Variants in SLC34A2 observed in about 807,000 individuals in gnomAD.
The protein encoded by SLC34A2 is sodium-dependent phosphate transport protein 2B.
In SLC34A2, 41 loss-of-function variants were observed where a neutral mutation model predicts 50.8. That is an observed-to-expected ratio of 0.81 (90% CI 0.63 to 1.05). SLC34A2 has a LOEUF of 1.05. SLC34A2 is among the 50% of genes least tolerant of loss of function. The probability of loss-of-function intolerance (pLI) is 0.00; values close to 1 mark genes in which losing one functional copy is unlikely to be tolerated. For missense variants in SLC34A2, 879 were observed against 876.7 expected (o/e 1.00, Z -0.03); for synonymous variants, 401 against 364.2 (o/e 1.10, Z -1.15).
chr4:25,676,525 C>CGCTGCT lies in SLC34A2; in HGVS notation c.1861_1866dup (p.Cys621_Cys622dup), dbSNP rs757866832. On this transcript the variant is annotated inframe_insertion, in exon 13 of 13. Coordinates refer to ENST00000382051, the MANE Select transcript of SLC34A2 (RefSeq NM_006424.3). ...CAAGTTCACCGGCTGCTTCCAGATG[C>CGCTGCT]GCTGCTGCTGCTGCTGCCGCGTGTG... 9.9e-6 allele frequency: 16 copies of CGCTGCT among 1,613,560 alleles called. No homozygotes were observed. Among genetic ancestry groups the CGCTGCT allele is most frequent in the South Asian group, 9.9e-5 (9 of 91,084 alleles).
At chr4:25,662,415 G>A (rs961085809) in intron 1 of SLC34A2, 83 bp from the exon 2 acceptor site, 3 of 1,281,452 alleles carry the variant, frequency 2.3e-6, no homozygotes, top group African/African-American at 2.9e-5. Flanking sequence ...TTGATGCTTT[G>A]CAACCAATGG....
Position 25,676,474 on chromosome 4 carries a change from C to A in SLC34A2, c.1798C>A (p.Leu600Met). The change falls in exon 13 of 13, where the codon CTG becomes ATG. Residue 600 changes from leucine to methionine, a missense_variant. Transcript: ENST00000382051. ...CTTCCTGCCGCTGTGGATGCGCTCGCTGAAGCCCTGGGATGCCGTCGTCTC... is the reference window on the plus strand; with the variant it reads ...CTTCCTGCCGCTGTGGATGCGCTCGATGAAGCCCTGGGATGCCGTCGTCTC... Reference protein sequence around the residue: ...WNFLPLWMRSLKPWDAVVSKF... With the variant: ...WNFLPLWMRSMKPWDAVVSKF... 6.2e-7 allele frequency: 1 copy of A among 1,614,218 alleles called. No individual in the cohort carries two copies. The highest frequency in any genetic ancestry group is 2.2e-5 in the East Asian group (1 of 44,872).
At chr4:25,662,126 C>T (rs1336375288) in intron 1 of SLC34A2, among the ~76,000 whole-genome samples, 1 of 152,186 alleles carries the variant, frequency 6.6e-6, no homozygotes, top group Non-Finnish European at 1.5e-5. Context: ...CCTGTCTTGG[C>T]CTCCCAAAGT....
In SLC34A2 at chr4:25,662,841, A is replaced by G. The variant is rs556370844; in HGVS notation, c.249A>G (p.Ser83=). The G allele has an allele frequency of 6.2e-7, 1 of 1,614,122 alleles. No individual in the cohort carries two copies. The highest frequency in any genetic ancestry group is 1.7e-5 in the Admixed American group (1 of 60,026). The change falls in exon 3 of 13, where the codon TCA becomes TCG. Residue 83 remains serine, a splice_region_variant and synonymous_variant. Coordinates refer to ENST00000382051, the MANE Select transcript of SLC34A2 (RefSeq NM_006424.3). The stretch of plus-strand genomic sequence containing the variant: ...TTCAGGACTCGGGGATCAAGTGGTC[A>G]GGTAAAAGTGAGGCCAGCTGAGACA... The part of the protein sequence containing the change: ...PTLQDSGIKW[S]ERDTKGKILC...
At chr4:25,664,704 A>G (rs28433601) in intron 4 of SLC34A2, among the ~76,000 whole-genome samples, 2,790 of 152,198 alleles carry the variant, frequency 0.018, 77 homozygotes, top group African/African-American at 0.064. Flanking sequence ...CCTTTCAAAT[A>G]TGGGCCCTTG....
chr4:25,658,744 C>T (rs1322835960), intron 1 of SLC34A2, among the ~76,000 whole-genome samples: 2 of 152,212 alleles, frequency 1.3e-5, no homozygotes, highest in Admixed American at 1.3e-4. Context: ...CCTTCCTCTG[C>T]TGCTTCTGGC....
At position 25,664,225 on chromosome 4, in the gene SLC34A2, C is replaced by A; in HGVS notation, c.274C>A (p.Leu92Ile). 4 of 1,566,158 alleles carry A rather than the reference C, an allele frequency of 2.6e-6. No individual in the cohort carries two copies. Among genetic ancestry groups the A allele is most frequent in the Non-Finnish European group, 3.5e-6 (4 of 1,146,122 alleles). The change falls in exon 4 of 13, where the codon CTC (leucine) becomes ATC (isoleucine). Residue 92 changes from leucine (L) to isoleucine (I), a missense_variant. Physicochemically the swap from Leu to Ile is conservative, Grantham distance 5 (BLOSUM62 2). Coordinates refer to ENST00000382051, the MANE Select transcript of SLC34A2 (RefSeq NM_006424.3). ...WSERDTKGKI[L>I]CFFQGIGRLI... is the part of the protein sequence containing the mutation. Reference sequence around the variant, plus strand: ...AGAGAGAGACACCAAAGGGAAGATTCTCTGTTTCTTCCAAGGGATTGGGAG... The same window carrying A: ...AGAGAGAGACACCAAAGGGAAGATTATCTGTTTCTTCCAAGGGATTGGGAG...
chr4:25,664,441 A>G lies in SLC34A2; in HGVS notation c.379+111A>G, dbSNP rs1714382035. ...CAGCTGCAGCCTCCTGGAGTGTTTT[A>G]GGACTGGAACCGACCTCAGATCATT... On this transcript the variant is annotated intron_variant, in intron 4 of 12. Coordinates refer to ENST00000382051, the MANE Select transcript of SLC34A2 (RefSeq NM_006424.3). The G allele has an allele frequency of 8.3e-6, 10 of 1,209,400 alleles. No individual in the cohort carries two copies. The South Asian group carries it at 9.9e-5, about 12-fold the overall frequency. The allele number at this position is 1,209,400 out of a possible 1,614,324, so 74.9% of individuals were successfully genotyped here.
At position 25,665,210 on chromosome 4, in the gene SLC34A2, G is replaced by GGGCTGGAGTGCATT. The variant is rs1714431279; in HGVS notation, c.379+884_379+897dup. The GGGCTGGAGTGCATT allele has an allele frequency of 4.1e-5, 7 of 171,450 alleles. No individual in the cohort carries two copies. In the South Asian group the frequency reaches 1.5e-3, roughly 37 times the overall value. The allele number at this position is 171,450 out of a possible 1,614,324, so 10.6% of individuals were successfully genotyped here. A position where few individuals can be genotyped will look rare whatever the true frequency, so the allele number is the denominator to read the frequency against. ...AGACAGAGTTTCACTCTTGTTGCCC[G>GGGCTGGAGTGCATT]GGCTGGAGTGCATTGGCGTGATCTC... On this transcript the variant is annotated intron_variant, in intron 4 of 12. Coordinates refer to ENST00000382051, the MANE Select transcript of SLC34A2 (RefSeq NM_006424.3).
rs765114627 is a variant in SLC34A2 at position 25,676,510 on chromosome 4, G to T, written c.1834G>T (p.Gly612Cys). Residue 612 changes from glycine (G) to cysteine (C), a missense_variant, in exon 13 of 13, where the codon GGC becomes TGC. Transcript: ENST00000382051. ...PWDAVVSKFT[G>C]CFQMRCCCCC... Reference sequence around the variant, plus strand: ...GGATGCCGTCGTCTCCAAGTTCACCGGCTGCTTCCAGATGCGCTGCTGCTG... The same window carrying T: ...GGATGCCGTCGTCTCCAAGTTCACCTGCTGCTTCCAGATGCGCTGCTGCTG... 10 of 1,614,100 alleles carry T rather than the reference G, an allele frequency of 6.2e-6. No individual in the cohort carries two copies. Among genetic ancestry groups the T allele is most frequent in the Non-Finnish European group, 7.6e-6 (9 of 1,179,988 alleles).
At chr4:25,657,596 T>C (rs906220774) in intron 1 of SLC34A2, among the ~76,000 whole-genome samples, 3 of 152,212 alleles carry the variant, frequency 2.0e-5, no homozygotes, top group Admixed American at 2.0e-4. Flanking sequence ...TACAAATTGA[T>C]AGTGCATGGT....
intron 4 of SLC34A2, 149 bp from the exon 5 acceptor site, chr4:25,665,979 A>G (rs1714474731): frequency 1.1e-6 from 1 of 927,408 alleles, no homozygotes; most frequent in Non-Finnish European, 1.7e-6. Context: ...TGGGGAAGCA[A>G]GATTCCTTGG....
At chr4:25,674,757 G>C in intron 12 of SLC34A2, 128 bp downstream of exon 12, 1 of 1,234,150 alleles carries the variant, frequency 8.1e-7, no homozygotes, top group Non-Finnish European at 1.1e-6. Flanking sequence ...ATGTGGAGGG[G>C]AAGCCACGGG....
chr4:25,676,536 C>CTGCTGCCGCGTG lies in SLC34A2; in HGVS notation c.1871_1882dup (p.Val624_Arg627dup), dbSNP rs772114004. On this transcript the variant is annotated inframe_insertion, in exon 13 of 13. Coordinates refer to ENST00000382051, the MANE Select transcript of SLC34A2 (RefSeq NM_006424.3). ...GCTGCTTCCAGATGCGCTGCTGCTG[C>CTGCTGCCGCGTG]TGCTGCCGCGTGTGCTGCCGCGCGT... is the stretch of plus-strand genomic sequence containing the variant. 26 of 1,613,666 alleles carry CTGCTGCCGCGTG rather than the reference C, an allele frequency of 1.6e-5. No homozygotes were observed. The highest frequency in any genetic ancestry group is 2.2e-5 in the East Asian group (1 of 44,892).
chr4:25,674,523 T>C lies in SLC34A2; in HGVS notation c.1352T>C (p.Ile451Thr). The C allele has an allele frequency of 6.2e-7, 1 of 1,614,196 alleles. No individual in the cohort carries two copies. The highest frequency in any genetic ancestry group is 8.5e-7 in the Non-Finnish European group (1 of 1,180,040). The change falls in exon 12 of 13, where the codon ATT (isoleucine) becomes ACT (threonine). Residue 451 changes from isoleucine to threonine, a missense_variant. Transcript: ENST00000382051. Reference sequence around the variant, plus strand: ...CCCCCAGGAATCGGCGTGATAACCATTGAGAGGGCTTATCCACTCACGCTG... The same window carrying C: ...CCCCCAGGAATCGGCGTGATAACCACTGAGAGGGCTTATCCACTCACGCTG... ...TPLIGIGVITIERAYPLTLGS... is the reference protein window; with the variant it reads ...TPLIGIGVITTERAYPLTLGS...
At chr4:25,667,055 A>G (rs1714538452) in intron 5 of SLC34A2, 2 of 152,214 alleles carry the variant, frequency 1.3e-5, no homozygotes, top group South Asian at 2.1e-4. Context: ...CCAAGCTAGC[A>G]TCTTAGCCAA....
At position 25,664,195 on chromosome 4, in the gene SLC34A2, C is replaced by A. The variant is rs370326183; in HGVS notation, c.251-7C>A. 5.6e-6 allele frequency: 9 copies of A among 1,612,072 alleles called. No homozygotes were observed. In the East Asian group the frequency reaches 8.9e-5, roughly 16 times the overall value. On this transcript the variant is annotated splice_region_variant and splice_polypyrimidine_tract_variant and intron_variant, in intron 3 of 12. Coordinates refer to ENST00000382051, the MANE Select transcript of SLC34A2 (RefSeq NM_006424.3). ...TCTCTCTCTCCCCCCATCCCACCCC[C>A]CTGCAGAGAGAGACACCAAAGGGAA...
chr4:25,655,957 T>A (rs533341464), intron 1 of SLC34A2, 67 bp downstream of exon 1: 2 of 152,366 alleles, frequency 1.3e-5, no homozygotes, highest in South Asian at 4.1e-4. Flanking sequence ...ACTTAATTCT[T>A]GCAAATACCT....
intron 1 of SLC34A2, among the ~76,000 whole-genome samples, chr4:25,659,032 A>G (rs1261957729): frequency 6.6e-6 from 1 of 151,774 alleles, no homozygotes; most frequent in Non-Finnish European, 1.5e-5. Context: ...CTAGCCAGCT[A>G]TCCGAAAACA....
Sources: allele counts gnomAD v4.1 joint callset (sites outside exome capture counted in the v4.1 genomes callset), GRCh38; gene constraint gnomAD v4.1.1; transcripts MANE v1.5; gene names NCBI Gene and HGNC (gene_info 2026-07-23, HGNC 2026-07-21).